PDE4D: variants seen among roughly 807,000 people sequenced by gnomAD.
PDE4D encodes phosphodiesterase 4D.
PDE4D carries 24 observed loss-of-function variants against 87.4 expected under a neutral mutation model. The observed-to-expected ratio is 0.27, with a 90% confidence interval of 0.20 to 0.39. The LOEUF is 0.39. Among genes scored for constraint, PDE4D ranks in the 10% least tolerant of loss-of-function variants. The pLI is 1.00. For synonymous variants in PDE4D, 384 were observed against 383.2 expected (o/e 1.00, Z -0.02); for missense variants, 714 against 1,041.0 (o/e 0.69, Z 4.32).
rs1236341800 is a variant in PDE4D, at chr5:60,423,048, T to C, written c.-90+64894A>G. Reference sequence around the variant, plus strand: ...GGAGCATCCAGATTCATAAAGCAAGTCCTTAGAGACCTAAAAAGAGACTTA... The same window carrying C: ...GGAGCATCCAGATTCATAAAGCAAGCCCTTAGAGACCTAAAAAGAGACTTA... On this transcript the variant is annotated intron_variant, in intron 1 of 16. Transcript: ENST00000502484. Among the ~76,000 whole-genome samples, 6 of 152,256 alleles carry C rather than the reference T, an allele frequency of 3.9e-5. No individual in the cohort carries two copies. The East Asian group carries it at 9.7e-4, about 25-fold the overall frequency.
At chr5:59,747,679 T>C (rs766612534) in intron 1 of PDE4D, among the ~76,000 whole-genome samples, 2 of 152,174 alleles carry the variant, frequency 1.3e-5, no homozygotes, top group Non-Finnish European at 2.9e-5. Flanking sequence ...GAGACACTTT[T>C]CATACACTCT....
chr5:60,434,257 T>A (rs1194725511), intron 1 of PDE4D, among the ~76,000 whole-genome samples: 1 of 152,084 alleles, frequency 6.6e-6, no homozygotes. Context: ...TGACATGAAT[T>A]TATAAATGGT....
At chr5:59,394,882 C>T (rs1302096902) in intron 1 of PDE4D, among the ~76,000 whole-genome samples, 16 of 152,018 alleles carry the variant, frequency 1.1e-4, no homozygotes, top group African/African-American at 2.9e-4. Flanking sequence ...GCGCACCGTG[C>T]ACAAGCCGAA....
At chr5:59,331,369 A>T (rs182231016) in intron 1 of PDE4D, among the ~76,000 whole-genome samples, 83 of 152,122 alleles carry the variant, frequency 5.5e-4, no homozygotes, top group Non-Finnish European at 1.0e-3. Context: ...CCTCATCTCC[A>T]CGTAGTCTTC....
At chr5:59,856,423 T>C (rs552868009) in intron 1 of PDE4D, among the ~76,000 whole-genome samples, 1 of 152,316 alleles carries the variant, frequency 6.6e-6, no homozygotes, top group African/African-American at 2.4e-5. Flanking sequence ...CTCTCATCAA[T>C]GTGTACGACA....
chr5:59,427,847 A>T (rs888850543), intron 1 of PDE4D, among the ~76,000 whole-genome samples: 14 of 151,770 alleles, frequency 9.2e-5, no homozygotes, highest in Admixed American at 2.6e-4. Context: ...AAATTGCTAT[A>T]CTAAAATTGA....
At chr5:60,342,229 T>C (rs1317166291) in intron 1 of PDE4D, among the ~76,000 whole-genome samples, 2 of 152,234 alleles carry the variant, frequency 1.3e-5, no homozygotes, top group East Asian at 1.9e-4. Context: ...AAGGGGAGAC[T>C]GAACCAGATG....
chr5:59,968,811 G>T (rs1442651273), intron 3 of PDE4D, among the ~76,000 whole-genome samples: 1 of 151,990 alleles, frequency 6.6e-6, no homozygotes, highest in Non-Finnish European at 1.5e-5. Context: ...AGATAATAAT[G>T]GTACCTACCG....
intron 2 of PDE4D, among the ~76,000 whole-genome samples, chr5:60,020,180 ATC>A (rs1398259166): frequency 1.2e-4 from 18 of 152,270 alleles, no homozygotes; most frequent in Admixed American, 3.9e-4. Context: ...AAAACACACA[ATC>A]TATCACTTAA....
intron 1 of PDE4D, among the ~76,000 whole-genome samples, chr5:59,288,969 C>T (rs1004493225): frequency 6.6e-6 from 1 of 151,956 alleles, no homozygotes; most frequent in African/African-American, 2.4e-5. Flanking sequence ...GAAAGAAAAG[C>T]ATATTAATGA....
rs34207840 is a variant in PDE4D at position 59,525,304 on chromosome 5, A to T, written c.456-309336T>A. Among the ~76,000 whole-genome samples the T allele has an allele frequency of 3.3e-3, 506 of 152,326 alleles. 1 individual carries two copies. The highest frequency in any genetic ancestry group is 5.4e-3 in the Non-Finnish European group (364 of 68,018). ...GATGTAAGACATGGAGTCAAAGGAG[A>T]TCATTTTGGAACTTTAATGTTTAAT... On this transcript the variant is annotated intron_variant, in intron 1 of 14. Coordinates refer to ENST00000340635, the MANE Select transcript of PDE4D (RefSeq NM_001104631.2).
chr5:58,995,180 C>A (rs1482317894), intron 6 of PDE4D, among the ~76,000 whole-genome samples: 1 of 151,892 alleles, frequency 6.6e-6, no homozygotes, highest in Non-Finnish European at 1.5e-5. Flanking sequence ...TTTTATAACT[C>A]CTTTCTAATT....
rs181270299 is a variant in PDE4D at position 60,375,826 on chromosome 5, G to A, written c.-90+112116C>T. Among the ~76,000 whole-genome samples the A allele has an allele frequency of 1.2e-4, 18 of 152,278 alleles. No homozygotes were observed. The East Asian group carries it at 3.3e-3, about 28-fold the overall frequency. ...GAGGCTAAGGTGGGCAGATCATGAGGTCAAGAGATTGAGACCATCCTGGCC... is the reference window on the plus strand; with the variant it reads ...GAGGCTAAGGTGGGCAGATCATGAGATCAAGAGATTGAGACCATCCTGGCC... On this transcript the variant is annotated intron_variant, in intron 1 of 16. Coordinates refer to the PDE4D transcript ENST00000502484.
At chr5:59,729,733 G>A (rs1241577646) in intron 1 of PDE4D, among the ~76,000 whole-genome samples, 1 of 151,820 alleles carries the variant, frequency 6.6e-6, no homozygotes, top group Non-Finnish European at 1.5e-5. Context: ...ATTATTCAGA[G>A]GGATGTATAT....
At chr5:59,820,160 CTA>C (rs1391267747) in intron 1 of PDE4D, among the ~76,000 whole-genome samples, 2 of 152,190 alleles carry the variant, frequency 1.3e-5, no homozygotes, top group African/African-American at 4.8e-5. Context: ...GGATTCATCT[CTA>C]TGTTTCTTTT....
At chr5:59,863,605 G>A (rs914753567) in intron 1 of PDE4D, among the ~76,000 whole-genome samples, 2 of 151,990 alleles carry the variant, frequency 1.3e-5, no homozygotes, top group Non-Finnish European at 2.9e-5. Context: ...TAGGCATGAT[G>A]GTACTTCTAT....
chr5:59,354,269 A>C (rs1780990891), intron 1 of PDE4D, among the ~76,000 whole-genome samples: 1 of 152,220 alleles, frequency 6.6e-6, no homozygotes, highest in African/African-American at 2.4e-5. Flanking sequence ...AATCAGATCC[A>C]AAGCCTCTTA....
intron 1 of PDE4D, among the ~76,000 whole-genome samples, chr5:60,369,433 C>G (rs1353330523): frequency 6.6e-6 from 1 of 152,122 alleles, no homozygotes; most frequent in Non-Finnish European, 1.5e-5. Flanking sequence ...AAAGATGAGG[C>G]AGGCATTAAG....
At chr5:60,155,040 T>A (rs2149449087) in intron 2 of PDE4D, among the ~76,000 whole-genome samples, 1 of 152,348 alleles carries the variant, frequency 6.6e-6, no homozygotes, top group East Asian at 1.9e-4. Context: ...CTGTTAATAC[T>A]GGTGTTACCA....
Sources: allele counts gnomAD v4.1 joint callset (sites outside exome capture counted in the v4.1 genomes callset), GRCh38; gene constraint gnomAD v4.1.1; transcripts MANE v1.5; gene names NCBI Gene and HGNC (gene_info 2026-07-23, HGNC 2026-07-21).